Variants in KIF1A observed in about 807,000 individuals in gnomAD.
KIF1A encodes the protein kinesin-like protein KIF1A.
KIF1A carries 46 observed loss-of-function variants against 227.3 expected under a neutral mutation model. The observed-to-expected ratio is 0.20, with a 90% CI of 0.16 to 0.26. KIF1A has a LOEUF of 0.26. KIF1A is among the 10% of genes least tolerant of loss of function. The pLI is 1.00. For missense variants in KIF1A, 1,683 were observed against 2,485.9 expected (o/e 0.68, Z 6.87); for synonymous variants, 1,022 against 1,012.8 (o/e 1.01, Z -0.17).
intron 5 of KIF1A, among the ~76,000 whole-genome samples, chr2:240,786,841 G>GCTGGGCCC (rs2055003334): frequency 2.0e-5 from 1 of 50,604 alleles, no homozygotes; most frequent in Non-Finnish European, 4.2e-5. Context: ...GGGGCTGCCT[G>GCTGGGCCC]CTGAGCAGAG....
intron 20 of KIF1A, among the ~76,000 whole-genome samples, chr2:240,763,990 G>A (rs567085093): frequency 5.3e-5 from 8 of 152,252 alleles, no homozygotes; most frequent in African/African-American, 1.4e-4. Context: ...ACCCCCCTCA[G>A]GGCTGCCCCA....
In KIF1A at chr2:240,784,039, C is replaced by T. The variant is rs183743920; in HGVS notation, c.721-223G>A. 3.0e-4 allele frequency among the ~76,000 whole-genome samples: 45 copies of T among 152,316 alleles called. No individual in the cohort carries two copies. The East Asian group carries it at 5.6e-3, about 19-fold the overall frequency. ...CCTGCCCGAGTTGAGTGCCCAGCCA[C>T]CTCCCCAGGGGAGCACGGGCGCTGC... On this transcript the variant is annotated intron_variant, in intron 7 of 48. Transcript: ENST00000498729.
Position 240,736,987 on chromosome 2 carries a change from C to T in KIF1A, c.4007+76G>A. 1 of 1,222,378 alleles carries T rather than the reference C, an allele frequency of 8.2e-7. No individual in the cohort carries two copies. The allele number at this position is 1,222,378 out of a possible 1,614,324, so 75.7% of individuals were successfully genotyped here. On this transcript the variant is annotated intron_variant, in intron 38 of 48. Transcript: ENST00000498729. The surrounding 1 kb of genome is among the most constrained non-coding windows in gnomAD (Gnocchi z 4.7). ...GCGGGTCACCTTGTGTGGCTGAACC[C>T]TGTGCCGGGTTGGCTGAGGGCCTGG... is the stretch of plus-strand genomic sequence containing the variant.
In KIF1A at chr2:240,775,808, T is replaced by C. The variant is rs772972986; in HGVS notation, c.958+43A>G. On this transcript the variant is annotated intron_variant, in intron 11 of 48. Coordinates refer to ENST00000498729, the MANE Select transcript of KIF1A (RefSeq NM_001244008.2). This position sits in a 1 kb window ranked among gnomAD's most constrained non-coding sequence, Gnocchi z 5.5. ...TGGGGAAGAAGGGCACAGCCCAGGG[T>C]GGGATCAGAGCCCTGGGGACAGGCA... The C allele has an allele frequency of 7.7e-6, 10 of 1,303,412 alleles. No individual in the cohort carries two copies. The highest frequency in any genetic ancestry group is 3.4e-5 in the Admixed American group (2 of 59,516). 80.7% of individuals were successfully genotyped at this position (1,303,412 alleles called of 1,614,324 possible). A position where few individuals can be genotyped will look rare whatever the true frequency, so the allele number is the denominator to read the frequency against.
chr2:240,754,781 C>T (rs149098512), intron 27 of KIF1A, among the ~76,000 whole-genome samples: 211 of 152,262 alleles, frequency 1.4e-3, no homozygotes, highest in Non-Finnish European at 2.5e-3. Context: ...GGCCGAGAGA[C>T]GCCATCCGCA....
rs2046066994 is a variant in KIF1A at position 240,726,843 on chromosome 2, G to A, written c.4105C>T (p.Leu1369Phe). 4.3e-6 allele frequency: 7 copies of A among 1,609,794 alleles called. No homozygotes were observed. The highest frequency in any genetic ancestry group is 5.9e-6 in the Non-Finnish European group (7 of 1,177,252). Residue 1369 changes from leucine (L) to phenylalanine (F), a missense_variant, in exon 39 of 49, where the codon CTC becomes TTC. Leu to Phe is a conservative substitution (Grantham distance 22). This residue lies in a region of KIF1A where 759 missense variants were observed against 1,020.2 expected (regional missense o/e 0.74). Transcript: ENST00000498729. The surrounding 1 kb of genome is among the most constrained non-coding windows in gnomAD (Gnocchi z 5.2). ...TGCCTTGCCTCGATATAAGCGGAGA[G>A]TGTCATGTAGATTTTCTCTCGATAA... is the stretch of plus-strand genomic sequence containing the variant. ...TPYREKIYMTLSAYIEMENCT... is the reference protein window; with the variant it reads ...TPYREKIYMTFSAYIEMENCT...
rs2050740815 is a variant in KIF1A, at chr2:240,763,148, G to A, written c.1949+18C>T. Reference sequence around the variant, plus strand: ...GGCAGGAGGGGCAGCAGGCAGTTGGGGGTGGCCTCCGCCTCACCTCTGCTC... The same window carrying A: ...GGCAGGAGGGGCAGCAGGCAGTTGGAGGTGGCCTCCGCCTCACCTCTGCTC... On this transcript the variant is annotated intron_variant, in intron 21 of 48. Coordinates refer to ENST00000498729, the MANE Select transcript of KIF1A (RefSeq NM_001244008.2). 1.2e-6 allele frequency: 2 copies of A among 1,606,182 alleles called. No homozygotes were observed. Among genetic ancestry groups the A allele is most frequent in the Admixed American group, 1.7e-5 (1 of 59,818 alleles).
In KIF1A at chr2:240,758,419, G is replaced by A. The variant is rs542220900; in HGVS notation, c.2523C>T (p.Asn841=). The A allele has an allele frequency of 6.3e-5, 102 of 1,612,930 alleles. No individual in the cohort carries two copies. The highest frequency in any genetic ancestry group is 6.2e-4 in the South Asian group (56 of 90,890). Residue 841 remains asparagine, a synonymous_variant, in exon 26 of 49, where the codon AAC becomes AAT. Coordinates refer to ENST00000498729, the MANE Select transcript of KIF1A (RefSeq NM_001244008.2). This position sits in a 1 kb window ranked among gnomAD's most constrained non-coding sequence, Gnocchi z 5.2. ...VPSSVIEDCD[N]VVTGGDPFYD... ...AGAAGGGGTCTCCGCCGGTCACCAC[G>A]TTGTCACAGTCCTCGATGACACTGG... is the stretch of plus-strand genomic sequence containing the variant.
Position 240,790,125 on chromosome 2 carries a change from G to C in KIF1A, c.107-813C>G, listed in dbSNP as rs889433148. The stretch of plus-strand genomic sequence containing the variant: ...TTGCCCCCAGCATTTCCCAGGCCCT[G>C]GACGGGCCTGGACCCTGCAGACTGC... On this transcript the variant is annotated intron_variant, in intron 2 of 48. Transcript: ENST00000498729. The surrounding 1 kb of genome is among the most constrained non-coding windows in gnomAD (Gnocchi z 5.0). Among the ~76,000 whole-genome samples the C allele has an allele frequency of 6.6e-6, 1 of 152,138 alleles. No individual in the cohort carries two copies. The highest frequency in any genetic ancestry group is 1.5e-5 in the Non-Finnish European group (1 of 68,016).
Position 240,721,867 on chromosome 2 carries a change from C to A in KIF1A, c.4683G>T (p.Thr1561=). Residue 1561 remains threonine, a synonymous_variant, in exon 44 of 49, where the codon ACG becomes ACT. Transcript: ENST00000498729. ...ELAVKCLRLL[T]HTFNREYTHS... ...GTGTGTACTCTCTGTTGAATGTGTG[C>A]GTGAGCAGGCGCAAGCACTGTGGAC... is the stretch of plus-strand genomic sequence containing the variant. 1 of 1,606,088 alleles carries A rather than the reference C, an allele frequency of 6.2e-7. No individual in the cohort carries two copies.
At position 240,758,925 on chromosome 2, in the gene KIF1A, A is replaced by C. The variant is rs1490903775; in HGVS notation, c.2445-428T>G. ...GGGGGTAGGGACACAGAAGACAGAG[A>C]AAATAGCCTACAAATTATTATTCCC... On this transcript the variant is annotated intron_variant, in intron 25 of 48. Coordinates refer to ENST00000498729, the MANE Select transcript of KIF1A (RefSeq NM_001244008.2). This position sits in a 1 kb window ranked among gnomAD's most constrained non-coding sequence, Gnocchi z 5.2. 6.6e-6 allele frequency among the ~76,000 whole-genome samples: 1 copy of C among 152,210 alleles called. No homozygotes were observed. Among genetic ancestry groups the C allele is most frequent in the South Asian group, 2.1e-4 (1 of 4,830 alleles).
chr2:240,772,642 G>A (rs1282513744), intron 13 of KIF1A, 46 bp from the exon 14 acceptor site: 22 of 1,474,906 alleles, frequency 1.5e-5, no homozygotes, highest in South Asian at 2.4e-5. Flanking sequence ...CAGAGAAACA[G>A]AAGAACAGGT....
intron 42 of KIF1A, among the ~76,000 whole-genome samples, chr2:240,723,037 T>TCA (rs1282320694): frequency 4.6e-5 from 7 of 152,132 alleles, no homozygotes; most frequent in African/African-American, 1.2e-4. Context: ...GCGTCACGTG[T>TCA]CACACACACA....
intron 1 of KIF1A, among the ~76,000 whole-genome samples, chr2:240,809,897 AAAAG>A (rs200232577): frequency 6.6e-6 from 1 of 151,268 alleles, no homozygotes; most frequent in Non-Finnish European, 1.5e-5. Context: ...AAAAAAAAAA[AAAAG>A]AGTTTCTTGT....
At chr2:240,813,668 C>A (rs1441005352) in intron 1 of KIF1A, among the ~76,000 whole-genome samples, 7 of 152,114 alleles carry the variant, frequency 4.6e-5, no homozygotes, top group Non-Finnish European at 1.0e-4. Context: ...CACCCCACCC[C>A]CCATGGACAC....
At chr2:240,799,704 A>C (rs1380220829) in intron 1 of KIF1A, among the ~76,000 whole-genome samples, 1 of 152,218 alleles carries the variant, frequency 6.6e-6, no homozygotes, top group African/African-American at 2.4e-5. Flanking sequence ...AGGCAAGTTC[A>C]CCAGTCCCTG....
rs530386923 is a variant in KIF1A at position 240,747,334 on chromosome 2, C to G, written c.2978-13G>C. 1 of 1,610,062 alleles carries G rather than the reference C, an allele frequency of 6.2e-7. No homozygotes were observed. The highest frequency in any genetic ancestry group is 8.5e-7 in the Non-Finnish European group (1 of 1,177,124). On this transcript the variant is annotated splice_polypyrimidine_tract_variant and intron_variant, in intron 28 of 48. Transcript: ENST00000498729. Reference sequence around the variant, plus strand: ...GCCTCTTCATCGGCTGCAGGAGAAACAGAGCAAATGGTTGGAGCCCAGCTT... The same window carrying G: ...GCCTCTTCATCGGCTGCAGGAGAAAGAGAGCAAATGGTTGGAGCCCAGCTT...
rs760131986 is a variant in KIF1A at position 240,747,218 on chromosome 2, C to T, written c.3063+18G>A. ...GCCAGGCACCTCCAGGTCTGGGACT[C>T]GGGAGGGAGCTTGGTACCTTTTCAA... On this transcript the variant is annotated intron_variant, in intron 29 of 48. Coordinates refer to ENST00000498729, the MANE Select transcript of KIF1A (RefSeq NM_001244008.2). The T allele has an allele frequency of 2.9e-5, 46 of 1,605,468 alleles. No individual in the cohort carries two copies. Among genetic ancestry groups the T allele is most frequent in the East Asian group, 4.5e-5 (2 of 44,814 alleles).
intron 2 of KIF1A, 126 bp downstream of exon 2, chr2:240,797,521 C>A (rs956057998): frequency 9.0e-6 from 6 of 668,644 alleles, no homozygotes; most frequent in Non-Finnish European, 1.6e-5. Flanking sequence ...CACCCACACG[C>A]CACATAGACA....
Sources: gnomAD v4.1 joint callset for allele counts (sites outside exome capture counted in the v4.1 genomes callset) on GRCh38, gnomAD v4.1.1 for gene constraint, gnomAD v4.1.1 regional missense constraint, Gnocchi (gnomAD v3.1) non-coding constraint, MANE v1.5 for transcripts, NCBI Gene and HGNC (gene_info 2026-07-23, HGNC 2026-07-21) for gene names.